GALNTL6: variants seen among roughly 807,000 people sequenced by gnomAD.
GALNTL6 encodes polypeptide N-acetylgalactosaminyltransferase like 6.
A neutral mutation model predicts 73.7 loss-of-function variants in GALNTL6; 46 were observed. That is an observed-to-expected ratio of 0.62 (90% CI 0.49 to 0.80). GALNTL6 has a LOEUF of 0.80. Ranked by LOEUF, GALNTL6 falls within the 30% of genes least tolerant of loss-of-function variation. The probability of loss-of-function intolerance (pLI) is 0.00; values close to 1 mark genes in which losing one functional copy is unlikely to be tolerated. For missense variants in GALNTL6, 604 were observed against 755.0 expected (o/e 0.80, Z 2.34); for synonymous variants, 259 against 263.7 (o/e 0.98, Z 0.17).
In GALNTL6 at chr4:172,577,480, A is replaced by T. The variant is rs1429339771; in HGVS notation, c.553+228791A>T. On this transcript the variant is annotated intron_variant, in intron 5 of 12. Transcript: ENST00000506823. Reference sequence around the variant, plus strand: ...TATAATATATGAATGCTTTCTCTAAACTAAGAACGCCCCACAGGTCCCTTG... The same window carrying T: ...TATAATATATGAATGCTTTCTCTAATCTAAGAACGCCCCACAGGTCCCTTG... Among the ~76,000 whole-genome samples, 5 of 152,184 alleles carry T rather than the reference A, an allele frequency of 3.3e-5. No individual in the cohort carries two copies. The East Asian group carries it at 9.6e-4, about 29-fold the overall frequency.
chr4:172,926,412 T>G (rs1459066623), intron 8 of GALNTL6, among the ~76,000 whole-genome samples: 2 of 152,224 alleles, frequency 1.3e-5, no homozygotes, highest in African/African-American at 4.8e-5. Context: ...TACGGCACTT[T>G]TCATTCCGCA....
At chr4:172,141,263 G>A (rs1028014453) in intron 2 of GALNTL6, among the ~76,000 whole-genome samples, 3 of 151,896 alleles carry the variant, frequency 2.0e-5, no homozygotes, top group African/African-American at 4.8e-5. Flanking sequence ...CCATCAATTC[G>A]AAGCAAGCAC....
intron 4 of GALNTL6, among the ~76,000 whole-genome samples, chr4:172,332,638 T>C (rs1198486419): frequency 6.6e-6 from 1 of 152,128 alleles, no homozygotes; most frequent in Non-Finnish European, 1.5e-5. Flanking sequence ...CATGATTTTA[T>C]TTTTTTCTGG....
chr4:172,547,415 A>G (rs972215009), intron 5 of GALNTL6, among the ~76,000 whole-genome samples: 3 of 152,168 alleles, frequency 2.0e-5, no homozygotes, highest in Admixed American at 6.5e-5. Context: ...TGATCTTCAA[A>G]AGACCAACCC....
chr4:171,941,038 T>C (rs1416819930), intron 2 of GALNTL6, among the ~76,000 whole-genome samples: 2 of 151,946 alleles, frequency 1.3e-5, no homozygotes, highest in Non-Finnish European at 2.9e-5. Context: ...ACCAGGAGAA[T>C]TAATAATCTA....
intron 5 of GALNTL6, among the ~76,000 whole-genome samples, chr4:172,397,473 A>G (rs769076956): frequency 1.3e-5 from 2 of 152,192 alleles, no homozygotes; most frequent in East Asian, 1.9e-4. Flanking sequence ...TCATATCCAT[A>G]TAACAAATCA....
chr4:172,305,272 A>G (rs1740088152), intron 3 of GALNTL6, among the ~76,000 whole-genome samples: 1 of 152,172 alleles, frequency 6.6e-6, no homozygotes. Context: ...TTAAGTATCT[A>G]CTATCTGCCT....
chr4:172,294,804 A>G (rs549233976), intron 3 of GALNTL6, among the ~76,000 whole-genome samples: 1 of 152,292 alleles, frequency 6.6e-6, no homozygotes, highest in South Asian at 2.1e-4. Context: ...CTCAGACAAG[A>G]AATATTTTTC....
chr4:172,415,711 A>G (rs1730806382), intron 5 of GALNTL6, among the ~76,000 whole-genome samples: 1 of 152,040 alleles, frequency 6.6e-6, no homozygotes, highest in South Asian at 2.1e-4. Context: ...CTGAGTGAGC[A>G]ATTCCTGTCC....
intron 2 of GALNTL6, chr4:172,052,387 C>CT: frequency 2.3e-6 from 3 of 1,324,506 alleles, no homozygotes; most frequent in Non-Finnish European, 3.1e-6. Flanking sequence ...CCTTCACATC[C>CT]TTCATAGTAA....
chr4:172,108,694 CA>C (rs1414739884), intron 2 of GALNTL6, among the ~76,000 whole-genome samples: 3 of 151,946 alleles, frequency 2.0e-5, no homozygotes, highest in East Asian at 1.9e-4. Context: ...TTACAAGTAT[CA>C]GGGGGAAAAG....
intron 2 of GALNTL6, among the ~76,000 whole-genome samples, chr4:172,221,158 T>A (rs1447331606): frequency 6.6e-6 from 1 of 151,838 alleles, no homozygotes; most frequent in Non-Finnish European, 1.5e-5. Flanking sequence ...CTATCACCCT[T>A]GTTGTGAAAA....
chr4:171,929,966 G>T (rs1738125038), intron 2 of GALNTL6, among the ~76,000 whole-genome samples: 1 of 152,198 alleles, frequency 6.6e-6, no homozygotes, highest in Admixed American at 6.5e-5. Flanking sequence ...TCACTGAGGT[G>T]TCAGCCCCAC....
intron 2 of GALNTL6, among the ~76,000 whole-genome samples, chr4:172,167,424 TA>T (rs778136050): frequency 3.3e-5 from 5 of 152,182 alleles, no homozygotes; most frequent in Non-Finnish European, 7.3e-5. Context: ...GAAGTCTTGT[TA>T]AAACAAAATT....
intron 5 of GALNTL6, among the ~76,000 whole-genome samples, chr4:172,370,630 C>CA (rs71592072): frequency 0.3 from 17,719 of 59,184 alleles, 2,782 homozygotes; most frequent in African/African-American, 0.44. Flanking sequence ...GACTCCATCT[C>CA]AAAAAAAAAA....
Position 172,023,096 on chromosome 4 carries a change from A to C in GALNTL6, c.139-206560A>C, listed in dbSNP as rs180894764. On this transcript the variant is annotated intron_variant, in intron 2 of 12. Coordinates refer to ENST00000506823, the MANE Select transcript of GALNTL6 (RefSeq NM_001034845.3). ...CATCCTTCTTTTCCAGTACCATTGA[A>C]GAGGTGTCTCTTATCTTATGTAATG... Among the ~76,000 whole-genome samples the C allele has an allele frequency of 4.3e-4, 65 of 152,030 alleles. 1 individual carries two copies. Among genetic ancestry groups the C allele is most frequent in the African/African-American group, 1.5e-3 (63 of 41,536 alleles).
intron 5 of GALNTL6, among the ~76,000 whole-genome samples, chr4:172,648,609 C>T (rs116705861): frequency 0.013 from 2,015 of 152,202 alleles, 42 homozygotes; most frequent in African/African-American, 0.045. Context: ...TCAGGACATA[C>T]CCAAAGACTG....
intron 2 of GALNTL6, among the ~76,000 whole-genome samples, chr4:171,908,877 C>T (rs947725015): frequency 3.3e-5 from 5 of 150,548 alleles, no homozygotes; most frequent in African/African-American, 9.9e-5. Flanking sequence ...CATCATTCTC[C>T]GTAAACTATT....
chr4:172,514,633 A>G (rs1289176663), intron 5 of GALNTL6, among the ~76,000 whole-genome samples: 2 of 152,084 alleles, frequency 1.3e-5, no homozygotes, highest in Non-Finnish European at 2.9e-5. Flanking sequence ...ACTCAGTTGA[A>G]ATTACTACAA....
Sources: gnomAD v4.1 joint callset for allele counts (sites outside exome capture counted in the v4.1 genomes callset) on GRCh38, gnomAD v4.1.1 for gene constraint, MANE v1.5 for transcripts, NCBI Gene and HGNC (gene_info 2026-07-23, HGNC 2026-07-21) for gene names.